Variants in DNAH5 observed in about 807,000 individuals in gnomAD.
DNAH5 encodes the protein axonemal beta dynein heavy chain 5.
DNAH5 carries 372 observed loss-of-function variants against 518.2 expected under a neutral mutation model. The observed-to-expected ratio is 0.72, with a 90% CI of 0.66 to 0.78. The LOEUF (loss-of-function observed/expected upper bound fraction) is 0.78, where lower values mean the gene tolerates loss of function less well. DNAH5 is among the 30% of genes least tolerant of loss of function. The probability of loss-of-function intolerance (pLI) is 0.00; values close to 1 mark genes in which losing one functional copy is unlikely to be tolerated. For synonymous variants in DNAH5, 2,039 were observed against 2,025.9 expected (o/e 1.01, Z -0.17); for missense variants, 5,523 against 5,687.0 (o/e 0.97, Z 0.93).
At chr5:13,857,046 C>T (rs1767734507) in intron 30 of DNAH5, among the ~76,000 whole-genome samples, 1 of 152,118 alleles carries the variant, frequency 6.6e-6, no homozygotes, top group South Asian at 2.1e-4. Flanking sequence ...AAAGGGTATT[C>T]AAATAGGAAA....
At chr5:14,007,566 G>T (rs1784805097) in intron 1 of DNAH5, among the ~76,000 whole-genome samples, 2 of 152,154 alleles carry the variant, frequency 1.3e-5, no homozygotes, top group Admixed American at 6.5e-5. Context: ...TACCCCATCT[G>T]GGATAGGTAC....
intron 15 of DNAH5, among the ~76,000 whole-genome samples, chr5:13,895,884 T>A (rs1174695485): frequency 6.6e-6 from 1 of 152,052 alleles, no homozygotes; most frequent in African/African-American, 2.4e-5. Context: ...ACTTTATCCT[T>A]CCAGTCCACA....
At chr5:13,772,048 C>T (rs761961845) in intron 55 of DNAH5, among the ~76,000 whole-genome samples, 1 of 152,172 alleles carries the variant, frequency 6.6e-6, no homozygotes, top group African/African-American at 2.4e-5. Context: ...AATTAAGTCA[C>T]ATTTTCTCAT....
At chr5:13,777,930 T>TTC (rs1187613479) in intron 53 of DNAH5, among the ~76,000 whole-genome samples, 1 of 152,162 alleles carries the variant, frequency 6.6e-6, no homozygotes, top group African/African-American at 2.4e-5. Context: ...AGTCTGAAGG[T>TTC]TCTCTAATTA....
chr5:13,833,668 C>G (rs1170934230), intron 35 of DNAH5, among the ~76,000 whole-genome samples: 1 of 152,104 alleles, frequency 6.6e-6, no homozygotes, highest in Non-Finnish European at 1.5e-5. Context: ...TCAGGCAACA[C>G]TCACAGAAGC....
At chr5:13,933,735 A>G (rs1175087894) in intron 1 of DNAH5, among the ~76,000 whole-genome samples, 1 of 146,130 alleles carries the variant, frequency 6.8e-6, no homozygotes, top group Non-Finnish European at 1.5e-5. Context: ...GGTTGCAGTG[A>G]GCCGAGATTG....
In DNAH5 at chr5:13,988,227, T is replaced by C. The variant is rs57632565; in HGVS notation, c.12+23421A>G. On this transcript the variant is annotated intron_variant, in intron 1 of 78. Transcript: ENST00000681290. ...AAAATAAAAGTGGAATGAATGTAAA[T>C]CGTAGAGAGTTGTTTAAGTTGCCCA... 8.8e-3 allele frequency among the ~76,000 whole-genome samples: 1,335 copies of C among 152,252 alleles called. 23 individuals are homozygous for C. Among genetic ancestry groups the C allele is most frequent in the African/African-American group, 0.03 (1,258 of 41,544 alleles).
intron 15 of DNAH5, among the ~76,000 whole-genome samples, chr5:13,896,953 T>C (rs969239549): frequency 8.7e-6 from 1 of 115,600 alleles, no homozygotes; most frequent in African/African-American, 3.6e-5. Context: ...CTGTTTTGCC[T>C]AGAGTACTAG....
At chr5:13,711,654 C>A (rs1349933641) in intron 75 of DNAH5, among the ~76,000 whole-genome samples, 1 of 152,122 alleles carries the variant, frequency 6.6e-6, no homozygotes, top group Non-Finnish European at 1.5e-5. Context: ...GGAACTGATA[C>A]AAGAAATCAG....
chr5:13,982,871 C>T (rs1318247464), intron 1 of DNAH5, among the ~76,000 whole-genome samples: 2 of 152,284 alleles, frequency 1.3e-5, no homozygotes, highest in East Asian at 1.9e-4. Context: ...TCTGCCTTCA[C>T]AGCCTCTATT....
intron 1 of DNAH5, among the ~76,000 whole-genome samples, chr5:13,962,316 C>A (rs1665048867): frequency 1.3e-5 from 2 of 152,142 alleles, no homozygotes; most frequent in Non-Finnish European, 2.9e-5. Flanking sequence ...CACAGGAAAG[C>A]AATATGACTC....
intron 32 of DNAH5, among the ~76,000 whole-genome samples, chr5:13,842,438 A>AGAAAGAAAGAAAGAAAGAAG: frequency 1.1e-5 from 1 of 92,630 alleles, no homozygotes; most frequent in Middle Eastern, 5.1e-3. Context: ...AAAGAAAGAA[A>AGAAAGAAAGAAAGAAAGAAG]GAAAGAAAGA....
Position 13,735,180 on chromosome 5 carries a change from G to A in DNAH5, c.11712C>T (p.Asp3904=). Residue 3904 remains aspartate (D), a synonymous_variant, in exon 68 of 79, where the codon GAC becomes GAT. Coordinates refer to ENST00000265104, the MANE Select transcript of DNAH5 (RefSeq NM_001369.3). ...LFTLLLTLKI[D]IQRNRVKHEE... Reference sequence around the variant, plus strand: ...CATGCTTGACTCGGTTCCTCTGGATGTCAATCTTTAGGGTAAGCAACAAGG... The same window carrying A: ...CATGCTTGACTCGGTTCCTCTGGATATCAATCTTTAGGGTAAGCAACAAGG... 3.7e-6 allele frequency: 6 copies of A among 1,614,096 alleles called. No homozygotes were observed. The highest frequency in any genetic ancestry group is 4.2e-6 in the Non-Finnish European group (5 of 1,179,986).
intron 47 of DNAH5, among the ~76,000 whole-genome samples, chr5:13,799,112 A>G (rs574089243): frequency 2.0e-5 from 3 of 152,166 alleles, no homozygotes; most frequent in East Asian, 3.9e-4. Context: ...ATTTTTCACT[A>G]TTTTTAAATA....
intron 65 of DNAH5, among the ~76,000 whole-genome samples, chr5:13,738,584 A>G (rs1439741904): frequency 6.6e-6 from 1 of 152,092 alleles, no homozygotes. Flanking sequence ...TATTATCCTT[A>G]TTGGCCTTTT....
chr5:13,769,462 T>C (rs564036387), intron 57 of DNAH5, 39 bp downstream of exon 57: 1 of 1,520,850 alleles, frequency 6.6e-7, no homozygotes, highest in Non-Finnish European at 9.1e-7. Flanking sequence ...GAACTGAGAA[T>C]TCAAAAGGAA....
intron 17 of DNAH5, among the ~76,000 whole-genome samples, chr5:13,890,720 A>T (rs1773105718): frequency 6.6e-6 from 1 of 152,186 alleles, no homozygotes; most frequent in South Asian, 2.1e-4. Flanking sequence ...AAATGGAAAA[A>T]TTCCAAGTGT....
intron 6 of DNAH5, among the ~76,000 whole-genome samples, chr5:13,920,107 T>C (rs537709367): frequency 2.6e-5 from 4 of 152,234 alleles, no homozygotes; most frequent in Non-Finnish European, 4.4e-5. Context: ...CATGCCTTCA[T>C]TGAGGACTTT....
rs927057828 is a variant in DNAH5, at chr5:13,744,866, C to T, written c.11211+6212G>A. Among the ~76,000 whole-genome samples the T allele has an allele frequency of 5.3e-5, 8 of 152,106 alleles. No individual in the cohort carries two copies. The East Asian group carries it at 7.7e-4, about 15-fold the overall frequency. On this transcript the variant is annotated intron_variant, in intron 65 of 78. Transcript: ENST00000265104. ...CAGCCTCCATTACCAAATATTATTT[C>T]TCTTTTGTACTTTACACTAGTAACC...
Sources: allele counts gnomAD v4.1 joint callset (sites outside exome capture counted in the v4.1 genomes callset), GRCh38; gene constraint gnomAD v4.1.1; transcripts MANE v1.5; gene names NCBI Gene and HGNC (gene_info 2026-07-23, HGNC 2026-07-21).